Variants in INPP4B observed in about 807,000 individuals in gnomAD.
INPP4B encodes the protein inositol polyphosphate-4-phosphatase type II B, also known as inositol polyphosphate 4-phosphatase type II.
INPP4B carries 55 observed loss-of-function variants against 122.5 expected under a neutral mutation model. The observed-to-expected ratio is 0.45, with a 90% CI of 0.36 to 0.56. INPP4B has a LOEUF of 0.56. INPP4B is among the 20% of genes least tolerant of loss of function. INPP4B has a pLI of 0.00. For missense variants in INPP4B, 1,000 were observed against 1,097.7 expected, an observed-to-expected ratio of 0.91 and a Z score of 1.26; for synonymous variants, 403 against 388.7, an observed-to-expected ratio of 1.04 and a Z score of -0.43.
intron 9 of INPP4B, among the ~76,000 whole-genome samples, chr4:142,273,361 G>A (rs1194106213): frequency 6.6e-6 from 1 of 151,830 alleles, no homozygotes; most frequent in Non-Finnish European, 1.5e-5. Flanking sequence ...CGATATCTGA[G>A]ACTATAGTGA....
intron 7 of INPP4B, among the ~76,000 whole-genome samples, chr4:142,388,384 GT>G (rs36025141): frequency 0.2 from 29,970 of 148,026 alleles, 3,901 homozygotes; most frequent in African/African-American, 0.37. Context: ...TGGAAAAAGG[GT>G]TTTTTTTTTT....
intron 9 of INPP4B, among the ~76,000 whole-genome samples, chr4:142,273,906 C>T (rs1747119789): frequency 6.6e-6 from 1 of 151,808 alleles, no homozygotes; most frequent in African/African-American, 2.4e-5. Flanking sequence ...CACCCTGTCA[C>T]TGAACTAGAA....
intron 2 of INPP4B, among the ~76,000 whole-genome samples, chr4:142,555,039 G>T (rs1478100215): frequency 2.6e-5 from 4 of 152,128 alleles, no homozygotes; most frequent in African/African-American, 4.8e-5. Flanking sequence ...TTAAAAGACT[G>T]GCCCCCAGGA....
chr4:142,569,271 C>T (rs767137595), intron 2 of INPP4B, among the ~76,000 whole-genome samples: 4 of 150,956 alleles, frequency 2.6e-5, no homozygotes, highest in Non-Finnish European at 4.4e-5. Context: ...TGCAAAATAT[C>T]TACCACTGCA....
chr4:142,696,010 C>T (rs978790036), intron 2 of INPP4B, among the ~76,000 whole-genome samples: 3 of 151,984 alleles, frequency 2.0e-5, no homozygotes, highest in African/African-American at 7.3e-5. Flanking sequence ...TCAAGGAGAG[C>T]CAGCTGGGAC....
At chr4:142,841,152 G>A (rs983206341) in intron 1 of INPP4B, among the ~76,000 whole-genome samples, 6 of 151,908 alleles carry the variant, frequency 3.9e-5, no homozygotes, top group South Asian at 2.1e-4. Flanking sequence ...AGCAAGTTTC[G>A]CATAAGAAGA....
At chr4:142,684,445 A>G (rs1389154105) in intron 2 of INPP4B, among the ~76,000 whole-genome samples, 1 of 151,922 alleles carries the variant, frequency 6.6e-6, no homozygotes, top group Non-Finnish European at 1.5e-5. Flanking sequence ...CAGACTGGAG[A>G]TCAGTCTAAT....
At chr4:142,237,732 T>G in intron 12 of INPP4B, 132 bp downstream of exon 12, 1 of 490,452 alleles carries the variant, frequency 2.0e-6, no homozygotes, top group Non-Finnish European at 3.6e-6. Context: ...AAATGTTAAC[T>G]GGCTCGGTTT....
At chr4:142,226,173 C>T (rs576368922) in intron 12 of INPP4B, among the ~76,000 whole-genome samples, 1 of 152,252 alleles carries the variant, frequency 6.6e-6, no homozygotes, top group Admixed American at 6.5e-5. Flanking sequence ...CTTGTCTGCA[C>T]TCAACCCAAG....
chr4:142,238,101 AT>A, intron 11 of INPP4B, 90 bp from the exon 12 acceptor site: 1 of 559,608 alleles, frequency 1.8e-6, no homozygotes, highest in Non-Finnish European at 3.1e-6. Context: ...TCAAGATGGC[AT>A]TTTTATTATT....
chr4:142,696,510 C>G (rs527443842), intron 2 of INPP4B, among the ~76,000 whole-genome samples: 52 of 152,344 alleles, frequency 3.4e-4, no homozygotes, highest in South Asian at 6.2e-4. Context: ...TTCCCCACCC[C>G]AGCCCTGACA....
intron 2 of INPP4B, among the ~76,000 whole-genome samples, chr4:142,498,285 C>A (rs1348816713): frequency 6.6e-6 from 1 of 151,590 alleles, no homozygotes; most frequent in African/African-American, 2.4e-5. Context: ...GTCAAAAATG[C>A]GAACCCAAGC....
intron 16 of INPP4B, among the ~76,000 whole-genome samples, chr4:142,167,970 T>C (rs996539337): frequency 7.7e-6 from 1 of 129,324 alleles, no homozygotes; most frequent in African/African-American, 4.1e-5. Flanking sequence ...GTTAGCAGGA[T>C]TTTTTTTTTT....
intron 2 of INPP4B, among the ~76,000 whole-genome samples, chr4:142,696,912 T>C (rs901547503): frequency 6.6e-6 from 1 of 152,204 alleles, no homozygotes; most frequent in African/African-American, 2.4e-5. Context: ...AGCAAGGAAG[T>C]AGATAAAACC....
chr4:142,071,617 A>C (rs887203439), intron 25 of INPP4B, among the ~76,000 whole-genome samples: 1 of 152,234 alleles, frequency 6.6e-6, no homozygotes, highest in Non-Finnish European at 1.5e-5. Context: ...CAGAATCTAC[A>C]AAGAACTTCA....
Position 142,238,031 on chromosome 4 carries a change from A to T in INPP4B, c.689-20T>A. ...TTAACACTGGAAAAAAAAAGAAAAA[A>T]TAATAGTTAAATTCTAAGCAAATGC... is the stretch of plus-strand genomic sequence containing the variant. On this transcript the variant is annotated intron_variant, in intron 11 of 25. Transcript: ENST00000262992. The T allele has an allele frequency of 7.6e-7, 1 of 1,313,974 alleles. No individual in the cohort carries two copies. Among genetic ancestry groups the T allele is most frequent in the Non-Finnish European group, 1.1e-6 (1 of 932,028 alleles). 81.4% of individuals were successfully genotyped at this position (1,313,974 alleles called of 1,614,324 possible).
intron 25 of INPP4B, among the ~76,000 whole-genome samples, chr4:142,073,770 G>T (rs1189880544): frequency 6.6e-6 from 1 of 151,940 alleles, no homozygotes; most frequent in Non-Finnish European, 1.5e-5. Context: ...AACCTTCCAG[G>T]GGCATAAATA....
chr4:142,043,028 T>C (rs1749118937), intron 25 of INPP4B, among the ~76,000 whole-genome samples: 2 of 152,302 alleles, frequency 1.3e-5, no homozygotes, highest in Middle Eastern at 6.8e-3. Context: ...ACTCACTCTT[T>C]TAAGTCAGAC....
intron 2 of INPP4B, among the ~76,000 whole-genome samples, chr4:142,576,262 G>A (rs1249009897): frequency 2.0e-5 from 3 of 151,910 alleles, no homozygotes. Context: ...ATTGTAAAGG[G>A]CAGAAATAAA....
Sources: allele counts gnomAD v4.1 joint callset (sites outside exome capture counted in the v4.1 genomes callset), GRCh38; gene constraint gnomAD v4.1.1; transcripts MANE v1.5; gene names NCBI Gene and HGNC (gene_info 2026-07-23, HGNC 2026-07-21).